The following FAM227B variants were observed in gnomAD, a reference collection of about 807,000 sequenced individuals.
The protein encoded by FAM227B is protein FAM227B.
FAM227B carries 88 observed loss-of-function variants against 73.8 expected under a neutral mutation model. That is an observed-to-expected ratio of 1.19 (90% CI 1.00 to 1.42). The LOEUF (loss-of-function observed/expected upper bound fraction) is 1.42. Ranked by LOEUF, FAM227B falls within the 40% of genes most tolerant of loss-of-function variation. The pLI is 0.00. For missense variants in FAM227B, 632 were observed against 590.9 expected (o/e 1.07, Z -0.72); for synonymous variants, 210 against 190.5 (o/e 1.10, Z -0.84).
intron 12 of FAM227B, chr15:49,367,906 G>A (rs946909469): frequency 1.8e-5 from 3 of 171,356 alleles, no homozygotes; most frequent in African/African-American, 7.2e-5. Flanking sequence ...ACAAAGCCAG[G>A]AAAAGGCATA....
At chr15:49,601,316 T>C (rs1019538945) in intron 3 of FAM227B, among the ~76,000 whole-genome samples, 1 of 151,838 alleles carries the variant, frequency 6.6e-6, no homozygotes, top group Non-Finnish European at 1.5e-5. Context: ...TGTGGTTATA[T>C]AAGGCTTACA....
chr15:49,388,619 A>G (rs951393647), intron 11 of FAM227B, among the ~76,000 whole-genome samples: 5 of 151,856 alleles, frequency 3.3e-5, no homozygotes, highest in African/African-American at 1.2e-4. Context: ...TATAACAAAA[A>G]CAAAAATAAA....
At chr15:49,504,170 G>A (rs1028475699) in intron 11 of FAM227B, among the ~76,000 whole-genome samples, 9 of 151,000 alleles carry the variant, frequency 6.0e-5, no homozygotes, top group African/African-American at 7.3e-5. Flanking sequence ...GCAAACTATC[G>A]CAAGGACAAA....
intron 11 of FAM227B, chr15:49,423,512 T>C (rs1419656491): frequency 2.0e-5 from 3 of 152,188 alleles, no homozygotes; most frequent in Non-Finnish European, 2.9e-5. Context: ...TTTCTGATTT[T>C]AGTACTGAGC....
chr15:49,362,468 G>A (rs1164170903), intron 13 of FAM227B, among the ~76,000 whole-genome samples: 2 of 151,974 alleles, frequency 1.3e-5, no homozygotes, highest in Admixed American at 6.6e-5. Context: ...GGTTCAGGTA[G>A]TTCTTTATAG....
chr15:49,533,290 A>C (rs1036193183), intron 10 of FAM227B, among the ~76,000 whole-genome samples: 1 of 152,008 alleles, frequency 6.6e-6, no homozygotes, highest in African/African-American at 2.4e-5. Flanking sequence ...TTTGTGGCCC[A>C]ACATATGATC....
At chr15:49,600,935 C>G (rs186006611) in intron 3 of FAM227B, among the ~76,000 whole-genome samples, 6 of 147,098 alleles carry the variant, frequency 4.1e-5, no homozygotes, top group Non-Finnish European at 9.0e-5. Flanking sequence ...CCAGCTACAC[C>G]GGAGGCTGAA....
chr15:49,438,628 A>C (rs1326402602), intron 11 of FAM227B, among the ~76,000 whole-genome samples: 1 of 151,678 alleles, frequency 6.6e-6, no homozygotes, highest in Non-Finnish European at 1.5e-5. Flanking sequence ...AGGACAAGGA[A>C]ATAATACTGT....
At chr15:49,375,113 T>C (rs939880868) in intron 11 of FAM227B, among the ~76,000 whole-genome samples, 6 of 152,202 alleles carry the variant, frequency 3.9e-5, no homozygotes, top group Admixed American at 2.6e-4. Flanking sequence ...TAAATTAGAA[T>C]TGCTTCTCCA....
Position 49,328,573 on chromosome 15 carries a change from A to ATTC in FAM227B, c.1519_1521dup (p.Glu507dup). On this transcript the variant is annotated inframe_insertion, in exon 16 of 16. Transcript: ENST00000299338. ...GAGTTCATTTCTGGTTTCTCTTAGT[A>ATTC]TTCTTCTTCCTCAAAGTTGTAGTTG... 1 of 1,604,146 alleles carries ATTC rather than the reference A, an allele frequency of 6.2e-7. No homozygotes were observed. The highest frequency in any genetic ancestry group is 1.1e-5 in the South Asian group (1 of 89,832).
chr15:49,542,026 T>C (rs1425853227), intron 9 of FAM227B, among the ~76,000 whole-genome samples: 1 of 152,152 alleles, frequency 6.6e-6, no homozygotes, highest in Non-Finnish European at 1.5e-5. Context: ...TAAGGAGCAA[T>C]GCCACCCTCT....
At position 49,565,005 on chromosome 15, in the gene FAM227B, A is replaced by G. The variant is rs570619215; in HGVS notation, c.747+3240T>C. Among the ~76,000 whole-genome samples the G allele has an allele frequency of 6.6e-5, 10 of 152,296 alleles. No individual in the cohort carries two copies. The East Asian group carries it at 1.9e-3, about 29-fold the overall frequency. ...TTTTTGTAAATGATGCATATGAGCC[A>G]TAGCAATAAAAAGTATATTTTTAAG... On this transcript the variant is annotated intron_variant, in intron 9 of 15. Transcript: ENST00000299338.
intron 11 of FAM227B, among the ~76,000 whole-genome samples, chr15:49,432,493 C>A (rs897543723): frequency 6.6e-6 from 1 of 151,638 alleles, no homozygotes; most frequent in East Asian, 1.9e-4. Context: ...CAACATAACA[C>A]TCCTCCTCTC....
intron 11 of FAM227B, among the ~76,000 whole-genome samples, chr15:49,489,909 G>T (rs59325034): frequency 1.9e-5 from 1 of 53,120 alleles, no homozygotes; most frequent in East Asian, 5.2e-4. Context: ...GAGAGAGAGA[G>T]AGAGACAGAG....
chr15:49,328,772 G>T, intron 15 of FAM227B, 97 bp from the exon 16 acceptor site: 2 of 1,334,228 alleles, frequency 1.5e-6, no homozygotes, highest in Non-Finnish European at 1.9e-6. Flanking sequence ...AAGAGACTAA[G>T]GATTTTTTTT....
intron 11 of FAM227B, chr15:49,424,268 A>G: frequency 1.9e-6 from 3 of 1,587,820 alleles, no homozygotes; most frequent in Non-Finnish European, 2.6e-6. Flanking sequence ...TCATTATGTT[A>G]TTCATGAACA....
intron 10 of FAM227B, among the ~76,000 whole-genome samples, chr15:49,540,969 C>T (rs549482497): frequency 3.9e-4 from 60 of 152,150 alleles, no homozygotes; most frequent in African/African-American, 1.4e-3. Context: ...AAAACATTTT[C>T]TTATAAAAGT....
chr15:49,573,990 T>C (rs1217333905), intron 8 of FAM227B, among the ~76,000 whole-genome samples: 1 of 152,180 alleles, frequency 6.6e-6, no homozygotes, highest in Non-Finnish European at 1.5e-5. Context: ...TTATGTTAGG[T>C]TGATGAATTG....
intron 11 of FAM227B, among the ~76,000 whole-genome samples, chr15:49,408,060 G>C (rs2048638145): frequency 6.6e-6 from 1 of 151,814 alleles, no homozygotes; most frequent in Admixed American, 6.6e-5. Flanking sequence ...TTTTTGTTTT[G>C]TATCCCACAT....
Sources: gnomAD v4.1 joint callset for allele counts (sites outside exome capture counted in the v4.1 genomes callset) on GRCh38, gnomAD v4.1.1 for gene constraint, MANE v1.5 for transcripts, NCBI Gene and HGNC (gene_info 2026-07-23, HGNC 2026-07-21) for gene names.